Variants in HAT1 observed in about 807,000 individuals in gnomAD.
HAT1 encodes the protein histone acetyltransferase type B catalytic subunit.
In HAT1, 20 loss-of-function variants were observed where a neutral mutation model predicts 56.6. That is an observed-to-expected ratio of 0.35 (90% CI 0.25 to 0.51). HAT1 has a LOEUF of 0.51. HAT1 is among the 20% of genes least tolerant of loss of function. HAT1 has a pLI of 0.95. For missense variants in HAT1, 408 were observed against 504.3 expected (o/e 0.81, Z 1.83); for synonymous variants, 146 against 165.5 (o/e 0.88, Z 0.91).
chr2:171,958,495 C>T (rs747050967), intron 4 of HAT1, among the ~76,000 whole-genome samples: 3 of 151,688 alleles, frequency 2.0e-5, no homozygotes, highest in Non-Finnish European at 2.9e-5. Context: ...GCTATAGTGC[C>T]CAGACTGGCC....
At chr2:171,969,217 T>A (rs1353921096) in intron 8 of HAT1, among the ~76,000 whole-genome samples, 1 of 152,246 alleles carries the variant, frequency 6.6e-6, no homozygotes, top group Non-Finnish European at 1.5e-5. Context: ...TAGAAATCGA[T>A]TCTGGGCTGG....
intron 2 of HAT1, among the ~76,000 whole-genome samples, chr2:171,939,112 C>T (rs781289151): frequency 1.3e-5 from 2 of 152,228 alleles, no homozygotes; most frequent in Admixed American, 6.5e-5. Context: ...CGGATAAAGT[C>T]GATTCACCTG....
chr2:171,928,811 C>T (rs962701922), intron 2 of HAT1, among the ~76,000 whole-genome samples: 3 of 152,142 alleles, frequency 2.0e-5, no homozygotes, highest in Non-Finnish European at 2.9e-5. Context: ...CCCGGCAGTT[C>T]ATTCCTTTTT....
chr2:171,978,553 GA>G (rs1191942979), intron 9 of HAT1, among the ~76,000 whole-genome samples: 2 of 150,564 alleles, frequency 1.3e-5, no homozygotes, highest in African/African-American at 4.9e-5. Context: ...CCTAGGCTGT[GA>G]AAACTCACAT....
At chr2:171,975,207 C>T (rs1159549627) in intron 8 of HAT1, among the ~76,000 whole-genome samples, 10 of 151,520 alleles carry the variant, frequency 6.6e-5, no homozygotes, top group Admixed American at 3.3e-4. Flanking sequence ...CAGGTTCAAG[C>T]GATTCTTCTG....
intron 10 of HAT1, among the ~76,000 whole-genome samples, chr2:171,981,934 T>C (rs1482771533): frequency 6.6e-6 from 1 of 152,158 alleles, no homozygotes; most frequent in Non-Finnish European, 1.5e-5. Flanking sequence ...GAGAGCAGTA[T>C]AGATGGCAAC....
At chr2:171,925,359 C>G (rs191633347) in intron 1 of HAT1, among the ~76,000 whole-genome samples, 178 bp from the exon 2 acceptor site, 1 of 152,166 alleles carries the variant, frequency 6.6e-6, no homozygotes, top group East Asian at 1.9e-4. Context: ...CGTGAGCCAC[C>G]GTGCCCAGCT....
chr2:171,940,924 T>G (rs771452830), intron 2 of HAT1, among the ~76,000 whole-genome samples: 2 of 152,230 alleles, frequency 1.3e-5, no homozygotes, highest in Admixed American at 6.5e-5. Flanking sequence ...TCAGTGATAT[T>G]TGTTTTTCAC....
Position 171,932,600 on chromosome 2 carries a change from G to A in HAT1, c.112+6959G>A, listed in dbSNP as rs142317992. Among the ~76,000 whole-genome samples the A allele has an allele frequency of 5.3e-3, 812 of 152,130 alleles. 4 individuals are homozygous for A. The highest frequency in any genetic ancestry group is 6.2e-3 in the Non-Finnish European group (419 of 67,980). ...AATGACTGTAGAGCGAGGTGCAGTG[G>A]CTCAGACATGTAATCCCAGATCTTT... On this transcript the variant is annotated intron_variant, in intron 2 of 10. Transcript: ENST00000264108.
chr2:171,939,036 C>T (rs191922862), intron 2 of HAT1, among the ~76,000 whole-genome samples: 129 of 152,178 alleles, frequency 8.5e-4, no homozygotes, highest in African/African-American at 3.1e-3. Context: ...CCACCAGGCC[C>T]GGCTTCAAAC....
At chr2:171,977,001 C>T (rs1360615682) in intron 9 of HAT1, among the ~76,000 whole-genome samples, 4 of 149,820 alleles carry the variant, frequency 2.7e-5, no homozygotes, top group African/African-American at 9.9e-5. Context: ...TGGTGAAACC[C>T]CACCTCTACT....
At position 171,922,520 on chromosome 2, in the gene HAT1, GA is replaced by G. The variant is rs1450603038; in HGVS notation, c.7+17del. On this transcript the variant is annotated intron_variant, in intron 1 of 10. Coordinates refer to ENST00000264108, the MANE Select transcript of HAT1 (RefSeq NM_003642.4). ...TCGGAAATGGCGGGTAAGTTACCGG[GA>G]AAAGTTTACCAAGGGGAGGAGGCGG... 4 of 1,318,346 alleles carry G rather than the reference GA, an allele frequency of 3.0e-6. No individual in the cohort carries two copies. The highest frequency in any genetic ancestry group is 2.9e-5 in the South Asian group (1 of 34,124). The allele number at this position is 1,318,346 out of a possible 1,614,324, so 81.7% of individuals were successfully genotyped here. A position where few individuals can be genotyped will look rare whatever the true frequency, so the allele number is the denominator to read the frequency against.
rs556130974 is a variant in HAT1, at chr2:171,947,304, G to T, written c.188+521G>T. 4.6e-5 allele frequency among the ~76,000 whole-genome samples: 7 copies of T among 152,154 alleles called. No individual in the cohort carries two copies. In the East Asian group the frequency reaches 1.4e-3, roughly 29 times the overall value. On this transcript the variant is annotated intron_variant, in intron 3 of 10. Coordinates refer to ENST00000264108, the MANE Select transcript of HAT1 (RefSeq NM_003642.4). ...GGGTCTCGCTGTGTCACCCAGGCTG[G>T]AGTGCAGTAGTGTGATCAAAGCTCA...
At chr2:171,949,944 ATACTT>A (rs1422567530) in intron 3 of HAT1, among the ~76,000 whole-genome samples, 1 of 152,098 alleles carries the variant, frequency 6.6e-6, no homozygotes, top group Non-Finnish European at 1.5e-5. Context: ...AATTTTGGTG[ATACTT>A]TACTTTCTCA....
intron 9 of HAT1, among the ~76,000 whole-genome samples, chr2:171,977,433 G>A (rs1574069231): frequency 2.1e-5 from 3 of 144,042 alleles, no homozygotes; most frequent in East Asian, 4.1e-4. Flanking sequence ...CTACACTCCA[G>A]CCTGGGCAAC....
At chr2:171,936,841 A>G (rs1428594439) in intron 2 of HAT1, among the ~76,000 whole-genome samples, 2 of 152,202 alleles carry the variant, frequency 1.3e-5, no homozygotes, top group African/African-American at 4.8e-5. Flanking sequence ...ATAAACTTAG[A>G]TGTAGTCCAG....
chr2:171,925,793 C>A, intron 2 of HAT1, 152 bp downstream of exon 2: 1 of 524,092 alleles, frequency 1.9e-6, no homozygotes, highest in Non-Finnish European at 3.4e-6. Context: ...AGATTTTATT[C>A]AGTTTTGATT....
chr2:171,928,487 A>G (rs1686653249), intron 2 of HAT1, among the ~76,000 whole-genome samples: 1 of 152,126 alleles, frequency 6.6e-6, no homozygotes, highest in Non-Finnish European at 1.5e-5. Flanking sequence ...TGTTGTCTGT[A>G]CCAGTAGTTC....
intron 2 of HAT1, among the ~76,000 whole-genome samples, chr2:171,927,679 C>T (rs1369590194): frequency 6.6e-6 from 1 of 152,124 alleles, no homozygotes; most frequent in Non-Finnish European, 1.5e-5. Flanking sequence ...CCTCTGCCTC[C>T]CAGATTCAAG....
Sources: allele counts gnomAD v4.1 joint callset (sites outside exome capture counted in the v4.1 genomes callset), GRCh38; gene constraint gnomAD v4.1.1; transcripts MANE v1.5; gene names NCBI Gene and HGNC (gene_info 2026-07-23, HGNC 2026-07-21).